ANKFN1: variants seen among roughly 807,000 people sequenced by gnomAD.
The protein encoded by ANKFN1 is ankyrin repeat and fibronectin type-III domain-containing protein 1.
In ANKFN1, 74 loss-of-function variants were observed where a neutral mutation model predicts 108.7. The observed-to-expected ratio is 0.68, with a 90% CI of 0.56 to 0.83. The LOEUF (loss-of-function observed/expected upper bound fraction) is 0.83, where lower values mean the gene tolerates loss of function less well. Ranked by LOEUF, ANKFN1 falls within the 40% of genes least tolerant of loss-of-function variation. The pLI is 0.00. For missense variants in ANKFN1, 1,505 were observed against 1,382.3 expected (o/e 1.09, Z -1.41); for synonymous variants, 547 against 516.2 (o/e 1.06, Z -0.81).
chr17:56,425,340 C>T (rs1257895010), intron 8 of ANKFN1, among the ~76,000 whole-genome samples: 1 of 152,212 alleles, frequency 6.6e-6, no homozygotes, highest in Non-Finnish European at 1.5e-5. Flanking sequence ...ACTGGTACCA[C>T]ATCTGACATA....
Position 56,466,623 on chromosome 17 carries a change from T to C in ANKFN1, c.1773+52T>C, listed in dbSNP as rs754615863. ...GGTATACTTAAGGTTCCAAACCCAATTATTGAAGGTCTAGTGAAATATTGC... is the reference window on the plus strand; with the variant it reads ...GGTATACTTAAGGTTCCAAACCCAACTATTGAAGGTCTAGTGAAATATTGC... On this transcript the variant is annotated intron_variant, in intron 15 of 20. Coordinates refer to ENST00000682825, the MANE Select transcript of ANKFN1 (RefSeq NM_001370326.1). The C allele has an allele frequency of 2.0e-6, 3 of 1,467,086 alleles. No individual in the cohort carries two copies. The East Asian group carries it at 7.4e-5, about 36-fold the overall frequency. The allele number at this position is 1,467,086 out of a possible 1,614,324, so 90.9% of individuals were successfully genotyped here.
Position 56,449,160 on chromosome 17 carries a change from C to T in ANKFN1, c.1181C>T (p.Ala394Val), listed in dbSNP as rs1275329559. 1 of 1,613,104 alleles carries T rather than the reference C, an allele frequency of 6.2e-7. No homozygotes were observed. The highest frequency in any genetic ancestry group is 2.2e-5 in the East Asian group (1 of 44,840). ...GAAGGTCTGCTGCAGCAGGTCCGAG[C>T]CCTTCATCAGCATTACAGTTGCCGG... ...VLEGLLQQVRALHQHYSCRES... is the reference protein window; with the variant it reads ...VLEGLLQQVRVLHQHYSCRES... Residue 394 changes from alanine (A) to valine (V), a missense_variant, in exon 11 of 21, where the codon GCC becomes GTC. Ala to Val is a moderately conservative substitution (Grantham distance 64). Transcript: ENST00000682825.
At chr17:56,187,183 C>G (rs1171040865) in intron 1 of ANKFN1, among the ~76,000 whole-genome samples, 1 of 152,120 alleles carries the variant, frequency 6.6e-6, no homozygotes, top group Non-Finnish European at 1.5e-5. Context: ...TGCAATCTAC[C>G]TATCTGACAA....
At chr17:56,493,644 A>G (rs2051109355) in intron 19 of ANKFN1, among the ~76,000 whole-genome samples, 1 of 152,106 alleles carries the variant, frequency 6.6e-6, no homozygotes, top group Non-Finnish European at 1.5e-5. Context: ...CAAAGTTTTG[A>G]AGAAAGTTAA....
chr17:56,433,057 A>G (rs569608749), intron 8 of ANKFN1, among the ~76,000 whole-genome samples: 23 of 152,336 alleles, frequency 1.5e-4, no homozygotes, highest in African/African-American at 5.5e-4. Context: ...AGACATATAT[A>G]TGCATATAAG....
chr17:56,376,077 G>A (rs986274772), intron 8 of ANKFN1, among the ~76,000 whole-genome samples: 1 of 152,170 alleles, frequency 6.6e-6, no homozygotes, highest in Non-Finnish European at 1.5e-5. Context: ...CATATTCCAA[G>A]GTTCCAGGCT....
chr17:56,372,542 T>C (rs2046838312), intron 6 of ANKFN1, 104 bp from the exon 7 acceptor site: 1 of 814,560 alleles, frequency 1.2e-6, no homozygotes. Context: ...CCCAGGCATT[T>C]TTTTTTTTTT....
chr17:56,277,557 G>A (rs995745987), intron 3 of ANKFN1, among the ~76,000 whole-genome samples: 29 of 152,066 alleles, frequency 1.9e-4, no homozygotes, highest in Admixed American at 6.5e-4. Context: ...TGAGAAGTCA[G>A]TATTTGTGTT....
rs548330019 is a variant in ANKFN1 at position 56,307,419 on chromosome 17, A to C, written c.54-18802A>C. The stretch of plus-strand genomic sequence containing the variant: ...AACCCCATCAAAAAGTGGGCGAAGG[A>C]TGTGAACAGACACTTCTCAAAAGAA... On this transcript the variant is annotated intron_variant, in intron 3 of 20. Coordinates refer to ENST00000682825, the MANE Select transcript of ANKFN1 (RefSeq NM_001370326.1). Among the ~76,000 whole-genome samples the C allele has an allele frequency of 6.6e-5, 10 of 152,380 alleles. 1 individual carries two copies. The highest frequency in any genetic ancestry group is 6.8e-3 in the Middle Eastern group (2 of 294).
At chr17:56,273,006 A>T (rs2043830408) in intron 3 of ANKFN1, among the ~76,000 whole-genome samples, 1 of 152,214 alleles carries the variant, frequency 6.6e-6, no homozygotes, top group African/African-American at 2.4e-5. Context: ...TTTTCTAGAT[A>T]CAGCTGTTAG....
In ANKFN1 at chr17:56,109,934, G is replaced by A. The variant is rs531497645; in HGVS notation, c.288+63609G>A. Among the ~76,000 whole-genome samples the A allele has an allele frequency of 2.6e-5, 4 of 152,324 alleles. No homozygotes were observed. In the East Asian group the frequency reaches 7.7e-4, roughly 29 times the overall value. The stretch of plus-strand genomic sequence containing the variant: ...CAGGCTGGGAAGAATGCAGCTATGG[G>A]TCAAGCTAGCTCTACCAACAGCTCC... On this transcript the variant is annotated intron_variant, in intron 4 of 12. Coordinates refer to the ANKFN1 transcript ENST00000635860.
intron 3 of ANKFN1, among the ~76,000 whole-genome samples, chr17:56,264,875 A>G (rs992237255): frequency 6.6e-6 from 1 of 152,064 alleles, no homozygotes; most frequent in East Asian, 1.9e-4. Context: ...TTTTCCCTCT[A>G]CAAATACTTT....
At chr17:56,441,911 T>A (rs190872832) in intron 9 of ANKFN1, among the ~76,000 whole-genome samples, 1 of 152,300 alleles carries the variant, frequency 6.6e-6, no homozygotes, top group Admixed American at 6.5e-5. Flanking sequence ...TGCTTTTTTT[T>A]TTTAACTTCA....
chr17:56,263,938 C>T (rs2043584020), intron 3 of ANKFN1, among the ~76,000 whole-genome samples: 1 of 152,174 alleles, frequency 6.6e-6, no homozygotes, highest in African/African-American at 2.4e-5. Flanking sequence ...ACCTCTGAGG[C>T]TGCCATTGTG....
At chr17:56,065,407 A>G (rs1000351885) in intron 4 of ANKFN1, among the ~76,000 whole-genome samples, 1 of 152,052 alleles carries the variant, frequency 6.6e-6, no homozygotes, top group Non-Finnish European at 1.5e-5. Flanking sequence ...AACACTTTTT[A>G]TCTCCTTTAA....
chr17:56,368,357 G>A, intron 6 of ANKFN1: 1 of 237,820 alleles, frequency 4.2e-6, no homozygotes, highest in Non-Finnish European at 7.1e-6. Flanking sequence ...TTGGCTCACT[G>A]CAACCTCCGC....
At chr17:56,099,248 G>A (rs1050457826) in intron 4 of ANKFN1, among the ~76,000 whole-genome samples, 6 of 152,190 alleles carry the variant, frequency 3.9e-5, no homozygotes, top group Admixed American at 1.3e-4. Flanking sequence ...ACACAGAAAA[G>A]GATTGATGGA....
At chr17:56,477,106 T>C (rs2145347869) in intron 15 of ANKFN1, among the ~76,000 whole-genome samples, 1 of 152,330 alleles carries the variant, frequency 6.6e-6, no homozygotes, top group Middle Eastern at 3.4e-3. Flanking sequence ...GCTTTTACAC[T>C]TGCAAATATC....
chr17:56,150,440 T>A (rs186163113), upstream of ANKFN1, among the ~76,000 whole-genome samples: 2 of 152,290 alleles, frequency 1.3e-5, no homozygotes, highest in Admixed American at 1.3e-4. Flanking sequence ...CACCACTCTT[T>A]ATTACCTGAC....
Sources: gnomAD v4.1 joint callset for allele counts (sites outside exome capture counted in the v4.1 genomes callset) on GRCh38, gnomAD v4.1.1 for gene constraint, MANE v1.5 for transcripts, NCBI Gene and HGNC (gene_info 2026-07-23, HGNC 2026-07-21) for gene names.